Variants in RAB33A observed in about 807,000 individuals in gnomAD.
The protein encoded by RAB33A is ras-related protein Rab-33A.
Under a neutral mutation model 12.0 loss-of-function variants are expected in RAB33A, and 6 were observed. The observed-to-expected ratio is 0.50, with a 90% CI of 0.27 to 0.99. The LOEUF (loss-of-function observed/expected upper bound fraction) is 0.99. Ranked by LOEUF, RAB33A falls within the 50% of genes least tolerant of loss-of-function variation. The pLI is 0.11. For synonymous variants in RAB33A, 70 were observed against 82.4 expected (o/e 0.85, Z 0.81); for missense variants, 109 against 192.0 (o/e 0.57, Z 2.55).
chrX:130,159,623 C>CT, the RAB33A span, among the ~76,000 whole-genome samples: 2 of 109,691 alleles, frequency 1.8e-5, no homozygotes, highest in Non-Finnish European at 3.8e-5. Context: ...TTTTGTTTTT[C>CT]TTTTTTTTAA....
At chrX:130,151,194 G>A in the RAB33A span, among the ~76,000 whole-genome samples, 1 of 107,186 alleles carries the variant, frequency 9.3e-6, no homozygotes, top group Non-Finnish European at 1.9e-5. Flanking sequence ...AGGCTGGAGT[G>A]CAGTGGCGTG....
At chrX:130,183,486 C>T (rs975955207) in intron 1 of RAB33A, among the ~76,000 whole-genome samples, 3 of 109,097 alleles carry the variant, frequency 2.7e-5, no homozygotes, top group Admixed American at 9.8e-5. Context: ...ACCTGGGAGG[C>T]GGAGCTTGCA....
the RAB33A span, chrX:130,133,408 C>T: frequency 8.3e-7 from 1 of 1,208,278 alleles, no homozygotes; most frequent in African/African-American, 1.8e-5. Flanking sequence ...GGTGCTCTAC[C>T]CGCCTCCTTC....
chrX:130,120,984 C>T, the RAB33A span, among the ~76,000 whole-genome samples: 1 of 112,868 alleles, frequency 8.9e-6, no homozygotes, highest in Non-Finnish European at 1.9e-5. Context: ...GGCACGCGGC[C>T]TCCCTTCGCC....
the RAB33A span, among the ~76,000 whole-genome samples, chrX:130,154,543 C>T: frequency 1.8e-5 from 2 of 112,060 alleles, no homozygotes; most frequent in African/African-American, 6.5e-5. Context: ...TAGCTTGTAC[C>T]GCTTCAGCCA....
chrX:130,184,749 G>T lies in RAB33A; in HGVS notation c.*9G>T. The T allele has an allele frequency of 8.3e-7, 1 of 1,198,256 alleles. No individual in the cohort carries two copies. The highest frequency in any genetic ancestry group is 1.1e-6 in the Non-Finnish European group (1 of 885,065). On this transcript the variant is annotated 3_prime_UTR_variant, in exon 2 of 2. Transcript: ENST00000257017. ...CTTCCTGTCCTTGTTGAAACCAAAC[G>T]ATATAAATACAAGATAAATTATCAC...
At chrX:130,171,763 A>T, upstream of RAB33A, 1 of 322,517 alleles carries the variant, frequency 3.1e-6, no homozygotes, top group Non-Finnish European at 5.4e-6. Context: ...GCACACAGGC[A>T]GAAGGCTCGC....
chrX:130,112,887 A>T, the RAB33A span, among the ~76,000 whole-genome samples: 9 of 109,243 alleles, frequency 8.2e-5, no homozygotes, highest in South Asian at 2.7e-3. Context: ...TAAATTAAAT[A>T]AATTAATTTT....
rs60085312 is a variant in RAB33A at position 130,181,007 on chromosome X, C to CAAAAAAAAA, written c.259-3259_259-3251dup. On this transcript the variant is annotated intron_variant, in intron 1 of 1. Transcript: ENST00000257017. Reference sequence around the variant, plus strand: ...TGGGCAACAGAGCAACAGTCCATCTCAAAAAAAAAAAAAAAAAAAAAAAAA... The same window carrying CAAAAAAAAA: ...TGGGCAACAGAGCAACAGTCCATCTCAAAAAAAAAAAAAAAAAAAAAAAAAAAAAAAAAA... Among the ~76,000 whole-genome samples, 2 of 8,129 alleles carry CAAAAAAAAA rather than the reference C, an allele frequency of 2.5e-4. 1 individual carries two copies. The highest frequency in any genetic ancestry group is 6.8e-4 in the African/African-American group (2 of 2,954). The allele number at this position is 8,129 out of a possible 115,157, so 7.1% of individuals were successfully genotyped here.
the RAB33A span, among the ~76,000 whole-genome samples, chrX:130,164,153 G>GCGAGACT: frequency 1.1e-5 from 1 of 87,853 alleles, no homozygotes; most frequent in African/African-American, 4.9e-5. Context: ...GGGCGACAAA[G>GCGAGACT]CGAGACTCCG....
the RAB33A span, among the ~76,000 whole-genome samples, chrX:130,125,436 A>G: frequency 2.7e-5 from 3 of 111,266 alleles, no homozygotes; most frequent in Non-Finnish European, 3.8e-5. Context: ...GAATTCCCTG[A>G]TAAGATGGGA....
the RAB33A span, among the ~76,000 whole-genome samples, chrX:130,146,800 G>A: frequency 4.5e-5 from 5 of 111,475 alleles, no homozygotes; most frequent in Non-Finnish European, 9.4e-5. Flanking sequence ...TGCCTGCTAG[G>A]CTGTCAAAGA....
chrX:130,138,526 T>G, the RAB33A span: 98 of 776,139 alleles, frequency 1.3e-4, no homozygotes, highest in Middle Eastern at 5.5e-4. Context: ...CAAACACATC[T>G]CTGGGATTCA....
the RAB33A span, among the ~76,000 whole-genome samples, chrX:130,146,336 C>T: frequency 3.7e-5 from 4 of 108,716 alleles, no homozygotes; most frequent in African/African-American, 1.3e-4. Context: ...CCTAGCTACT[C>T]GGGAGGCTGA....
At chrX:130,148,003 A>C in the RAB33A span, 2 of 844,480 alleles carry the variant, frequency 2.4e-6, no homozygotes, top group Non-Finnish European at 3.5e-6. Flanking sequence ...CATATGACCT[A>C]CGCTAATCTT....
chrX:130,133,058 A>G, the RAB33A span, among the ~76,000 whole-genome samples: 2 of 111,571 alleles, frequency 1.8e-5, no homozygotes, highest in African/African-American at 3.3e-5. Context: ...CTAGTCTAAC[A>G]TACGCCAGAC....
At chrX:130,131,217 A>C in the RAB33A span, among the ~76,000 whole-genome samples, 1 of 112,081 alleles carries the variant, frequency 8.9e-6, no homozygotes, top group Non-Finnish European at 1.9e-5. Flanking sequence ...TACTCAGCCC[A>C]GTTCCTCCCT....
chrX:130,136,294 G>C, the RAB33A span: 64 of 933,348 alleles, frequency 6.9e-5, no homozygotes, highest in Non-Finnish European at 8.9e-5. Context: ...AAAAAATCAT[G>C]GGTTAACTTA....
chrX:130,175,196 C>G (rs2031651661), intron 1 of RAB33A, among the ~76,000 whole-genome samples: 1 of 111,377 alleles, frequency 9.0e-6, no homozygotes, highest in Non-Finnish European at 1.9e-5. Flanking sequence ...GAGCTTCAGC[C>G]TTTGACTCTT....
Sources: allele counts gnomAD v4.1 joint callset (sites outside exome capture counted in the v4.1 genomes callset), GRCh38; gene constraint gnomAD v4.1.1; transcripts MANE v1.5; gene names NCBI Gene and HGNC (gene_info 2026-07-23, HGNC 2026-07-21).